Variants in GPHN observed in about 807,000 individuals in gnomAD.
GPHN encodes gephyrin.
A neutral mutation model predicts 95.5 loss-of-function variants in GPHN; 17 were observed. That is an observed-to-expected ratio of 0.18 (90% CI 0.12 to 0.27). The LOEUF (loss-of-function observed/expected upper bound fraction) is 0.27. GPHN is among the 10% of genes least tolerant of loss of function. The pLI is 1.00. For synonymous variants in GPHN, 320 were observed against 322.5 expected (o/e 0.99, Z 0.08); for missense variants, 660 against 978.1 (o/e 0.67, Z 4.34).
At chr14:67,298,885 A>C in the GPHN span, among the ~76,000 whole-genome samples, 16 of 152,252 alleles carry the variant, frequency 1.1e-4, no homozygotes, top group Admixed American at 4.6e-4. Flanking sequence ...TGTTTTACAA[A>C]TTTGTCATTT....
the GPHN span, among the ~76,000 whole-genome samples, chr14:67,513,836 G>C: frequency 1.3e-5 from 2 of 152,188 alleles, no homozygotes; most frequent in Admixed American, 1.3e-4. Flanking sequence ...ATAGGAGCTG[G>C]TGGTCACATG....
At chr14:66,800,632 C>T (rs2060313923) in intron 3 of GPHN, among the ~76,000 whole-genome samples, 1 of 151,656 alleles carries the variant, frequency 6.6e-6, no homozygotes, top group South Asian at 2.1e-4. Flanking sequence ...TATCCTTGAC[C>T]ATTGGGAGTT....
chr14:66,576,243 G>A (rs148929274), intron 1 of GPHN, among the ~76,000 whole-genome samples: 1,839 of 152,180 alleles, frequency 0.012, 48 homozygotes, highest in African/African-American at 0.039. Context: ...TGGAGGCTGG[G>A]GCCACAGGAG....
At chr14:67,437,059 AAAAC>A in the GPHN span, among the ~76,000 whole-genome samples, 6 of 152,190 alleles carry the variant, frequency 3.9e-5, no homozygotes, top group Non-Finnish European at 5.9e-5. Flanking sequence ...CTGTCTCAAA[AAAAC>A]AAACAAACAA....
intron 1 of GPHN, among the ~76,000 whole-genome samples, chr14:66,559,928 G>A (rs2060160811): frequency 6.6e-6 from 1 of 152,146 alleles, no homozygotes; most frequent in Non-Finnish European, 1.5e-5. Context: ...AAGGTGTAAG[G>A]AAGGGATCCA....
At chr14:67,232,223 T>G in the GPHN span, among the ~76,000 whole-genome samples, 5 of 152,162 alleles carry the variant, frequency 3.3e-5, no homozygotes, top group Non-Finnish European at 5.9e-5. Flanking sequence ...TTGCTCCCTC[T>G]CTTAAGTCAT....
chr14:67,511,099 G>A, the GPHN span, among the ~76,000 whole-genome samples: 12 of 152,160 alleles, frequency 7.9e-5, no homozygotes, highest in Non-Finnish European at 1.8e-4. Context: ...CAATGGAAAC[G>A]GATCATTCCA....
intron 1 of GPHN, among the ~76,000 whole-genome samples, chr14:66,619,150 T>C (rs1041741744): frequency 2.6e-5 from 4 of 152,218 alleles, no homozygotes; most frequent in African/African-American, 4.8e-5. Flanking sequence ...CATAGACATT[T>C]GGTTGTTTCT....
intron 1 of GPHN, among the ~76,000 whole-genome samples, chr14:66,612,479 T>C (rs1037018917): frequency 7.2e-5 from 11 of 152,094 alleles, no homozygotes; most frequent in Non-Finnish European, 1.3e-4. Context: ...TGTATCACCA[T>C]GTACCCATCA....
the GPHN span, among the ~76,000 whole-genome samples, chr14:67,299,144 A>G: frequency 1.3e-5 from 2 of 152,222 alleles, no homozygotes; most frequent in Non-Finnish European, 2.9e-5. Context: ...TTGCATGTAC[A>G]TAGTGACTAA....
chr14:67,385,205 G>A, the GPHN span: 1 of 152,192 alleles, frequency 6.6e-6, no homozygotes, highest in African/African-American at 2.4e-5. Flanking sequence ...TAACCTAAAA[G>A]ACAGCAGGGA....
chr14:67,327,690 C>T, the GPHN span, among the ~76,000 whole-genome samples: 1 of 151,874 alleles, frequency 6.6e-6, no homozygotes, highest in Non-Finnish European at 1.5e-5. Context: ...CACCCTGTGT[C>T]CTGGTGTTCT....
intron 5 of GPHN, among the ~76,000 whole-genome samples, chr14:66,886,066 G>A (rs2064172967): frequency 6.6e-6 from 1 of 151,984 alleles, no homozygotes; most frequent in African/African-American, 2.4e-5. Flanking sequence ...GATTCTCAAA[G>A]AACTAAAGGA....
chr14:66,723,360 T>C (rs1595694024), intron 2 of GPHN, among the ~76,000 whole-genome samples: 1 of 151,206 alleles, frequency 6.6e-6, no homozygotes, highest in East Asian at 1.9e-4. Flanking sequence ...GTTAACCTTT[T>C]GGTTATAACC....
intron 1 of GPHN, among the ~76,000 whole-genome samples, chr14:66,669,396 CT>C (rs2066169378): frequency 6.7e-6 from 1 of 149,214 alleles, no homozygotes; most frequent in South Asian, 2.1e-4. Context: ...TTTCCTTTGT[CT>C]TTAGTTTTCG....
intron 12 of GPHN, among the ~76,000 whole-genome samples, chr14:67,093,225 C>T (rs2077211918): frequency 1.3e-5 from 2 of 151,988 alleles, no homozygotes; most frequent in Admixed American, 1.3e-4. Flanking sequence ...ATTGAAATTA[C>T]TTATGAAAAA....
At chr14:67,725,044 C>T in the GPHN span, 3 of 1,595,370 alleles carry the variant, frequency 1.9e-6, no homozygotes, top group East Asian at 2.2e-5. Flanking sequence ...ACTTACTATA[C>T]CTCCTTTATA....
intron 1 of GPHN, among the ~76,000 whole-genome samples, chr14:66,564,238 A>G (rs188307032): frequency 2.2e-4 from 33 of 152,284 alleles, no homozygotes; most frequent in Admixed American, 5.9e-4. Flanking sequence ...GAGGATGTAC[A>G]AAGAAGTGTA....
At chr14:67,504,009 T>A in the GPHN span, among the ~76,000 whole-genome samples, 1 of 140,854 alleles carries the variant, frequency 7.1e-6, no homozygotes, top group African/African-American at 2.7e-5. Context: ...GCCTATTTTT[T>A]AATTTTTATT....
Sources: allele counts gnomAD v4.1 joint callset (sites outside exome capture counted in the v4.1 genomes callset), GRCh38; gene constraint gnomAD v4.1.1; transcripts MANE v1.5; gene names NCBI Gene and HGNC (gene_info 2026-07-23, HGNC 2026-07-21).